P4HB: variants seen among roughly 807,000 people sequenced by gnomAD.
P4HB encodes the protein prolyl 4-hydroxylase subunit beta.
In P4HB, 20 loss-of-function variants were observed where a neutral mutation model predicts 52.6. The observed-to-expected ratio is 0.38, with a 90% CI of 0.27 to 0.55. The LOEUF (loss-of-function observed/expected upper bound fraction) is 0.55. Among genes scored for constraint, P4HB ranks in the 20% least tolerant of loss-of-function variants. The probability of loss-of-function intolerance (pLI) is 0.74; values close to 1 mark genes in which losing one functional copy is unlikely to be tolerated. For synonymous variants in P4HB, 296 were observed against 277.9 expected (o/e 1.07, Z -0.65); for missense variants, 601 against 669.2 (o/e 0.90, Z 1.12).
intron 1 of P4HB, 128 bp from the exon 2 acceptor site, chr17:81,859,515 C>T: frequency 2.6e-6 from 2 of 778,598 alleles, no homozygotes; most frequent in South Asian, 3.3e-5. Flanking sequence ...CCAAGATAAC[C>T]CCTCCTAACG....
chr17:81,856,359 C>T (rs1354980605), intron 2 of P4HB, among the ~76,000 whole-genome samples: 7 of 127,660 alleles, frequency 5.5e-5, no homozygotes, highest in African/African-American at 1.8e-4. Context: ...TTTTTTGAGG[C>T]GGAGTTTTGC....
chr17:81,860,185 C>T, intron 1 of P4HB, 142 bp downstream of exon 1: 1 of 676,650 alleles, frequency 1.5e-6, no homozygotes, highest in South Asian at 4.0e-5. Context: ...CTGACATGGC[C>T]CCCAAGGCGG....
In P4HB at chr17:81,845,939, T is replaced by A; in HGVS notation, c.1109A>T (p.Lys370Met). 1 of 1,613,346 alleles carries A rather than the reference T, an allele frequency of 6.2e-7. No homozygotes were observed. The highest frequency in any genetic ancestry group is 1.1e-5 in the South Asian group (1 of 90,954). The change falls in exon 8 of 11, where the codon AAG (lysine) becomes ATG (methionine). Residue 370 changes from lysine (K) to methionine (M), a missense_variant. Coordinates refer to ENST00000331483, the MANE Select transcript of P4HB (RefSeq NM_000918.4). ...TTCAAAGTTCTTCCCAACAAGCACC[T>A]TGACAGGCTGCTTGTCCCAGTCCTC... ...LPEDWDKQPV[K>M]VLVGKNFEDV...
intron 4 of P4HB, among the ~76,000 whole-genome samples, chr17:81,851,138 G>C (rs1376201166): frequency 6.6e-6 from 1 of 151,860 alleles, no homozygotes; most frequent in Non-Finnish European, 1.5e-5. Context: ...CACCGTGTTA[G>C]CCAGGATGGT....
Position 81,855,023 on chromosome 17 carries a change from C to A in P4HB, c.624+119G>T. On this transcript the variant is annotated intron_variant, in intron 4 of 10. Coordinates refer to ENST00000331483, the MANE Select transcript of P4HB (RefSeq NM_000918.4). The surrounding 1 kb of genome is among the most constrained non-coding windows in gnomAD (Gnocchi z 4.3). The stretch of plus-strand genomic sequence containing the variant: ...ACCCCAACTTGGCAAAGCTGCAGAA[C>A]ATACCTATTGGGCCAAAGGTGCCAG... 2.1e-6 allele frequency: 2 copies of A among 962,240 alleles called. No homozygotes were observed. The highest frequency in any genetic ancestry group is 2.9e-5 in the South Asian group (2 of 68,482). 59.6% of individuals were successfully genotyped at this position (962,240 alleles called of 1,614,324 possible).
At chr17:81,856,860 G>T (rs4796849) in intron 2 of P4HB, among the ~76,000 whole-genome samples, 28 of 151,870 alleles carry the variant, frequency 1.8e-4, no homozygotes, top group Admixed American at 1.8e-3. Flanking sequence ...GTGTTGGCCA[G>T]GCTGGTCTTG....
intron 4 of P4HB, among the ~76,000 whole-genome samples, chr17:81,851,618 C>T (rs1170065232): frequency 2.0e-5 from 3 of 152,164 alleles, no homozygotes; most frequent in South Asian, 2.1e-4. Flanking sequence ...GGAGTAACGC[C>T]GGGCCGCAAC....
intron 2 of P4HB, among the ~76,000 whole-genome samples, chr17:81,857,231 C>T (rs908267491): frequency 2.6e-5 from 4 of 152,096 alleles, no homozygotes; most frequent in African/African-American, 9.7e-5. Flanking sequence ...TCACTGCAAC[C>T]TTACCTCCCA....
chr17:81,845,390 G>A (rs1338526701), intron 9 of P4HB, 160 bp from the exon 10 acceptor site: 2 of 838,244 alleles, frequency 2.4e-6, no homozygotes, highest in South Asian at 1.6e-5. Flanking sequence ...AGGCAATATA[G>A]TGAGATCCCA....
chr17:81,843,689 G>A lies in P4HB; in HGVS notation c.*323C>T, dbSNP rs1336672668. The A allele has an allele frequency of 3.5e-5, 15 of 430,796 alleles. No individual in the cohort carries two copies. The highest frequency in any genetic ancestry group is 2.0e-4 in the East Asian group (6 of 29,292). 26.7% of individuals were successfully genotyped at this position (430,796 alleles called of 1,614,324 possible). On this transcript the variant is annotated 3_prime_UTR_variant, in exon 11 of 11. Transcript: ENST00000331483. ...TTCAAAAAGAGGAGAAACCTCCCGC[G>A]GGAGGGAGGCAGCGAGACTCCGAAC...
intron 2 of P4HB, among the ~76,000 whole-genome samples, chr17:81,856,900 G>A (rs1265262149): frequency 1.3e-5 from 2 of 151,952 alleles, no homozygotes; most frequent in Non-Finnish European, 1.5e-5. Context: ...CGCCCGCCTC[G>A]GCCTCCCAAA....
In P4HB at chr17:81,846,197, C is replaced by T. The variant is rs1220047030; in HGVS notation, c.1057-206G>A. On this transcript the variant is annotated intron_variant, in intron 7 of 10. Transcript: ENST00000331483. The surrounding 1 kb of genome is among the most constrained non-coding windows in gnomAD (Gnocchi z 5.7). Reference sequence around the variant, plus strand: ...AATGAGCCCACGCAGGCCGCACCCTCGCCGGCCAGGAGGTTTCCCTGAGGA... The same window carrying T: ...AATGAGCCCACGCAGGCCGCACCCTTGCCGGCCAGGAGGTTTCCCTGAGGA... Among the ~76,000 whole-genome samples, 1 of 152,258 alleles carries T rather than the reference C, an allele frequency of 6.6e-6. No homozygotes were observed. Among genetic ancestry groups the T allele is most frequent in the Non-Finnish European group, 1.5e-5 (1 of 68,048 alleles).
Position 81,855,445 on chromosome 17 carries a change from G to C in P4HB, c.486+8C>G, listed in dbSNP as rs754809914. 2 of 1,609,970 alleles carry C rather than the reference G, an allele frequency of 1.2e-6. No individual in the cohort carries two copies. Among genetic ancestry groups the C allele is most frequent in the Non-Finnish European group, 1.7e-6 (2 of 1,177,572 alleles). On this transcript the variant is annotated splice_region_variant and intron_variant, in intron 3 of 10. Coordinates refer to ENST00000331483, the MANE Select transcript of P4HB (RefSeq NM_000918.4). This position sits in a 1 kb window ranked among gnomAD's most constrained non-coding sequence, Gnocchi z 4.3. ...AAGGAAGGAAGACTGGAATGCTCTG[G>C]TCTCTACCTTGAAGAAGCCGATGAC...
chr17:81,856,346 T>TC (rs1264096141), intron 2 of P4HB, among the ~76,000 whole-genome samples: 1 of 151,506 alleles, frequency 6.6e-6, no homozygotes, highest in Non-Finnish European at 1.5e-5. Context: ...TTTTTTTTTT[T>TC]TTTTTTTTGA....
chr17:81,858,531 G>A (rs756959607), intron 2 of P4HB, among the ~76,000 whole-genome samples: 1 of 152,166 alleles, frequency 6.6e-6, no homozygotes, highest in Admixed American at 6.6e-5. Context: ...CGGTTTTATA[G>A]ACGAGTTTTC....
Position 81,855,435 on chromosome 17 carries a change from G to C in P4HB, c.486+18C>G. The C allele has an allele frequency of 3.1e-6, 5 of 1,603,696 alleles. No individual in the cohort carries two copies. Among genetic ancestry groups the C allele is most frequent in the Non-Finnish European group, 4.3e-6 (5 of 1,172,918 alleles). On this transcript the variant is annotated intron_variant, in intron 3 of 10. Transcript: ENST00000331483. This position sits in a 1 kb window ranked among gnomAD's most constrained non-coding sequence, Gnocchi z 4.3. Reference sequence around the variant, plus strand: ...TGGATGACGGAAGGAAGGAAGACTGGAATGCTCTGGTCTCTACCTTGAAGA... The same window carrying C: ...TGGATGACGGAAGGAAGGAAGACTGCAATGCTCTGGTCTCTACCTTGAAGA...
chr17:81,856,984 C>T (rs765270403), intron 2 of P4HB, among the ~76,000 whole-genome samples: 3 of 151,442 alleles, frequency 2.0e-5, no homozygotes, highest in Admixed American at 6.6e-5. Context: ...GGTTTTGCCA[C>T]GTTGCCTAGG....
intron 2 of P4HB, chr17:81,856,093 T>A (rs1236203724): frequency 6.5e-6 from 1 of 152,926 alleles, no homozygotes; most frequent in African/African-American, 2.4e-5. Flanking sequence ...GGTCTTTAAC[T>A]CCTGTGCTCA....
chr17:81,852,358 C>T lies in P4HB; in HGVS notation c.624+2784G>A, dbSNP rs1473308636. Among the ~76,000 whole-genome samples the T allele has an allele frequency of 4.6e-5, 7 of 152,120 alleles. No homozygotes were observed. In the East Asian group the frequency reaches 7.7e-4, roughly 17 times the overall value. On this transcript the variant is annotated intron_variant, in intron 4 of 10. Transcript: ENST00000331483. ...CAAGAGCGGGCCACACAAGAGCACC[C>T]GACTCAGCCAGGCTGCCCACTGTGG... is the stretch of plus-strand genomic sequence containing the variant.
Sources: gnomAD v4.1 joint callset for allele counts (sites outside exome capture counted in the v4.1 genomes callset) on GRCh38, gnomAD v4.1.1 for gene constraint, Gnocchi (gnomAD v3.1) non-coding constraint, MANE v1.5 for transcripts, NCBI Gene and HGNC (gene_info 2026-07-23, HGNC 2026-07-21) for gene names.